SLC5A12: variants seen among roughly 807,000 people sequenced by gnomAD.
The protein encoded by SLC5A12 is solute carrier family 5 member 12.
Under a neutral mutation model 72.7 loss-of-function variants are expected in SLC5A12, and 46 were observed. The ratio of observed to expected loss-of-function variants is 0.63; its 90% CI spans 0.50 to 0.81. The LOEUF is 0.81. Ranked by LOEUF, SLC5A12 falls within the 30% of genes least tolerant of loss-of-function variation. The pLI is 0.00. For missense variants in SLC5A12, 683 were observed against 740.7 expected, an observed-to-expected ratio of 0.92 and a Z score of 0.90; for synonymous variants, 275 against 264.4, an observed-to-expected ratio of 1.04 and a Z score of -0.39.
chr11:26,675,424 G>A (rs1372191515), intron 13 of SLC5A12, among the ~76,000 whole-genome samples: 13 of 152,096 alleles, frequency 8.5e-5, no homozygotes, highest in Admixed American at 5.2e-4. Flanking sequence ...GCCTTCAATC[G>A]TGGATTTATC....
At chr11:26,679,238 T>A (rs1475039148) in intron 12 of SLC5A12, among the ~76,000 whole-genome samples, 1 of 151,986 alleles carries the variant, frequency 6.6e-6, no homozygotes, top group Non-Finnish European at 1.5e-5. Flanking sequence ...GTAGAAAAGG[T>A]ATAAAATACT....
At position 26,689,493 on chromosome 11, in the gene SLC5A12, A is replaced by G. The variant is rs569608196; in HGVS notation, c.1154-2949T>C. Among the ~76,000 whole-genome samples, 77 of 152,272 alleles carry G rather than the reference A, an allele frequency of 5.1e-4. 1 individual carries two copies. Among genetic ancestry groups the G allele is most frequent in the African/African-American group, 1.8e-3 (75 of 41,550 alleles). ...AATCTATGGTGGAAAAAATTGGAACAGTATTTGCCTCTGGAGGGTGAGTGA... is the reference window on the plus strand; with the variant it reads ...AATCTATGGTGGAAAAAATTGGAACGGTATTTGCCTCTGGAGGGTGAGTGA... On this transcript the variant is annotated intron_variant, in intron 9 of 14. Coordinates refer to ENST00000396005, the MANE Select transcript of SLC5A12 (RefSeq NM_178498.4).
At position 26,692,454 on chromosome 11, in the gene SLC5A12, T is replaced by A. The variant is rs774127556; in HGVS notation, c.1153+35A>T. 6 of 1,394,858 alleles carry A rather than the reference T, an allele frequency of 4.3e-6. No homozygotes were observed. The African/African-American group carries it at 8.5e-5, about 20-fold the overall frequency. The allele number at this position is 1,394,858 out of a possible 1,614,324, so 86.4% of individuals were successfully genotyped here. ...TGACATCTACCACATGTACATTTCA[T>A]GATATGGAATAGAAAGTCCACCAGC... On this transcript the variant is annotated intron_variant, in intron 9 of 14. Transcript: ENST00000396005.
chr11:26,723,015 G>A (rs534383966), upstream of SLC5A12, among the ~76,000 whole-genome samples: 3 of 151,324 alleles, frequency 2.0e-5, no homozygotes, highest in Non-Finnish European at 4.4e-5. Context: ...CCGGCTACAG[G>A]AGTCTGTCAG....
chr11:26,697,683 G>A (rs995528900), intron 7 of SLC5A12, among the ~76,000 whole-genome samples: 1 of 152,122 alleles, frequency 6.6e-6, no homozygotes, highest in African/African-American at 2.4e-5. Flanking sequence ...CGATGTTTAA[G>A]TTATGCTGAG....
intron 4 of SLC5A12, among the ~76,000 whole-genome samples, chr11:26,707,377 C>A (rs1258103874): frequency 4.6e-5 from 7 of 151,932 alleles, no homozygotes; most frequent in African/African-American, 1.7e-4. Context: ...AAATTAGAAT[C>A]CATAATTTTT....
chr11:26,701,220 A>C (rs1854950932), intron 6 of SLC5A12, among the ~76,000 whole-genome samples: 1 of 152,014 alleles, frequency 6.6e-6, no homozygotes, highest in Non-Finnish European at 1.5e-5. Context: ...ATCTGAACTG[A>C]TTTCTCTCTC....
At chr11:26,685,724 T>A (rs1590715221) in intron 10 of SLC5A12, among the ~76,000 whole-genome samples, 1 of 152,072 alleles carries the variant, frequency 6.6e-6, no homozygotes, top group East Asian at 1.9e-4. Flanking sequence ...TTGGGCAACA[T>A]GAAGAATGGG....
chr11:26,692,323 C>G, intron 9 of SLC5A12, 166 bp downstream of exon 9: 1 of 596,188 alleles, frequency 1.7e-6, no homozygotes, highest in Non-Finnish European at 3.0e-6. Context: ...TTTCCTGATA[C>G]CCTGCTGGAT....
At chr11:26,691,744 T>C (rs1454336609) in intron 9 of SLC5A12, 2 of 152,206 alleles carry the variant, frequency 1.3e-5, no homozygotes, top group Admixed American at 1.3e-4. Context: ...ACATAATTTG[T>C]TTATACTTTA....
At chr11:26,713,611 C>A (rs1855282367) in intron 1 of SLC5A12, among the ~76,000 whole-genome samples, 1 of 152,096 alleles carries the variant, frequency 6.6e-6, no homozygotes, top group Non-Finnish European at 1.5e-5. Context: ...ATCCTCTGAG[C>A]TCATATGGCA....
At chr11:26,719,227 A>G (rs368232466) in intron 1 of SLC5A12, among the ~76,000 whole-genome samples, 4 of 152,224 alleles carry the variant, frequency 2.6e-5, no homozygotes, top group African/African-American at 9.6e-5. Context: ...GTGCTAATTT[A>G]TAGTGTGTGT....
Position 26,721,845 on chromosome 11 carries a change from C to T in SLC5A12, c.-131G>A. On this transcript the variant is annotated 5_prime_UTR_variant, in exon 1 of 15. Transcript: ENST00000396005. ...TGTGATTCCCTGAAGAAAATGATTA[C>T]CAGAGGCACTCGTGTGAATCTTCAG... 1 of 788,350 alleles carries T rather than the reference C, an allele frequency of 1.3e-6. No homozygotes were observed. The allele number at this position is 788,350 out of a possible 1,614,324, so 48.8% of individuals were successfully genotyped here.
intron 14 of SLC5A12, among the ~76,000 whole-genome samples, chr11:26,672,395 C>CA (rs1451078442): frequency 1.3e-5 from 2 of 152,058 alleles, no homozygotes; most frequent in Non-Finnish European, 2.9e-5. Context: ...ACAACAACAA[C>CA]AAAAAATACT....
Position 26,686,484 on chromosome 11 carries a change from A to G in SLC5A12, c.1214T>C (p.Val405Ala), listed in dbSNP as rs185319644. 11 of 1,613,922 alleles carry G rather than the reference A, an allele frequency of 6.8e-6. No homozygotes were observed. The Admixed American group carries it at 1.3e-4, about 20-fold the overall frequency. ...TTTTCCTTCTTTCGTTACCTGCACA[A>G]CACCTCCCATGACAGATGCAGCCAC... ...MAVAASVMGG[V>A]VQASLSIHGM... The change falls in exon 10 of 15, where the codon GTT (valine) becomes GCT (alanine). Residue 405 changes from valine (V) to alanine (A), a missense_variant. Physicochemically the swap from Val to Ala is moderately conservative, Grantham distance 64 (BLOSUM62 0). Coordinates refer to ENST00000396005, the MANE Select transcript of SLC5A12 (RefSeq NM_178498.4).
At chr11:26,714,145 G>A (rs1855294991) in intron 1 of SLC5A12, among the ~76,000 whole-genome samples, 1 of 151,652 alleles carries the variant, frequency 6.6e-6, no homozygotes, top group Non-Finnish European at 1.5e-5. Context: ...ACAGCTCTCA[G>A]GGATTACACC....
intron 12 of SLC5A12, 122 bp downstream of exon 12, chr11:26,680,933 C>T (rs1361489891): frequency 1.1e-6 from 1 of 921,170 alleles, no homozygotes; most frequent in Non-Finnish European, 1.5e-6. Flanking sequence ...TGGGTACTTC[C>T]CTGAGTGAGT....
intron 1 of SLC5A12, among the ~76,000 whole-genome samples, chr11:26,714,884 T>C (rs1204889111): frequency 6.6e-6 from 1 of 152,098 alleles, no homozygotes; most frequent in East Asian, 1.9e-4. Context: ...TTTCAGGTCC[T>C]CTCTTCAGAT....
At position 26,711,429 on chromosome 11, in the gene SLC5A12, T is replaced by C. The variant is rs367573302; in HGVS notation, c.406-71A>G. The C allele has an allele frequency of 6.6e-5, 76 of 1,151,800 alleles. No individual in the cohort carries two copies. In the African/African-American group the frequency reaches 9.7e-4, roughly 15 times the overall value. The allele number at this position is 1,151,800 out of a possible 1,614,324, so 71.3% of individuals were successfully genotyped here. A position where few individuals can be genotyped will look rare whatever the true frequency, so the allele number is the denominator to read the frequency against. On this transcript the variant is annotated intron_variant, in intron 2 of 14. Transcript: ENST00000396005. Reference sequence around the variant, plus strand: ...GAAAGGAAAACTGCCTAGAAAGTTCTTTATCGACGTTAGACTTGTATTCTC... The same window carrying C: ...GAAAGGAAAACTGCCTAGAAAGTTCCTTATCGACGTTAGACTTGTATTCTC...
Sources: gnomAD v4.1 joint callset for allele counts (sites outside exome capture counted in the v4.1 genomes callset) on GRCh38, gnomAD v4.1.1 for gene constraint, MANE v1.5 for transcripts, NCBI Gene and HGNC (gene_info 2026-07-23, HGNC 2026-07-21) for gene names.